DNAH11: variants seen among roughly 807,000 people sequenced by gnomAD.
DNAH11 encodes axonemal beta dynein heavy chain 11.
In DNAH11, 442 loss-of-function variants were observed where a neutral mutation model predicts 526.0. The ratio of observed to expected loss-of-function variants is 0.84; its 90% CI spans 0.78 to 0.91. The LOEUF (loss-of-function observed/expected upper bound fraction) is 0.91. DNAH11 is among the 40% of genes least tolerant of loss of function. The pLI is 0.00. For missense variants in DNAH11, 6,989 were observed against 5,448.7 expected, an observed-to-expected ratio of 1.28 and a Z score of -8.90; for synonymous variants, 2,461 against 1,935.9, an observed-to-expected ratio of 1.27 and a Z score of -7.12.
At chr7:21,732,769 G>C (rs953935183) in intron 45 of DNAH11, among the ~76,000 whole-genome samples, 2 of 152,216 alleles carry the variant, frequency 1.3e-5, no homozygotes, top group African/African-American at 2.4e-5. Context: ...TTCAATTTAA[G>C]ACAGCCATCC....
intron 28 of DNAH11, among the ~76,000 whole-genome samples, chr7:21,650,951 T>C (rs62447806): frequency 1.9e-5 from 2 of 107,308 alleles, no homozygotes; most frequent in East Asian, 5.2e-4. Context: ...AAAACTGTTA[T>C]TTTAAAAAAA....
rs1368570838 is a variant in DNAH11, at chr7:21,655,970, T to C, written c.5083T>C (p.Cys1695Arg). The change falls in exon 29 of 82, where the codon TGT becomes CGT. Residue 1695 changes from cysteine to arginine, a missense_variant. Coordinates refer to ENST00000409508, the MANE Select transcript of DNAH11 (RefSeq NM_001277115.2). ...EYVPFQAECE[C>R]VGHVETWLLQ... is the part of the protein sequence containing the mutation. ...TGTCCCATTCCAAGCCGAGTGTGAA[T>C]GTGTGGGCCATGTAAGATTTGATTA... The C allele has an allele frequency of 1.9e-6, 3 of 1,599,264 alleles. No homozygotes were observed. Among genetic ancestry groups the C allele is most frequent in the Middle Eastern group, 1.7e-4 (1 of 6,020 alleles).
chr7:21,543,902 A>G, intron 1 of DNAH11: 1 of 394,164 alleles, frequency 2.5e-6, no homozygotes, highest in Non-Finnish European at 4.5e-6. Flanking sequence ...GTTAGGCGCC[A>G]GGTGGGCTTT....
intron 65 of DNAH11, among the ~76,000 whole-genome samples, chr7:21,832,086 T>C (rs979597130): frequency 3.4e-5 from 5 of 146,098 alleles, no homozygotes; most frequent in African/African-American, 1.4e-4. Flanking sequence ...TGAGACTCCA[T>C]CTCAAAAAAA....
chr7:21,723,311 A>C (rs1784954915), intron 44 of DNAH11, among the ~76,000 whole-genome samples: 1 of 152,230 alleles, frequency 6.6e-6, no homozygotes, highest in Admixed American at 6.5e-5. Context: ...TGAAGCTTAG[A>C]AAGGTATTTT....
Position 21,543,189 on chromosome 7 carries a change from G to C in DNAH11, c.-57G>C. On this transcript the variant is annotated 5_prime_UTR_variant, in exon 1 of 82. Coordinates refer to ENST00000409508, the MANE Select transcript of DNAH11 (RefSeq NM_001277115.2). ...GAGGTGTCCTCGCTCACTTCGGGGGGCCCAGAGTCTCGGGTGAGGAGCCAG... is the reference window on the plus strand; with the variant it reads ...GAGGTGTCCTCGCTCACTTCGGGGGCCCCAGAGTCTCGGGTGAGGAGCCAG... 6.9e-7 allele frequency: 1 copy of C among 1,459,070 alleles called. No homozygotes were observed. The highest frequency in any genetic ancestry group is 2.5e-4 in the Middle Eastern group (1 of 4,006). The allele number at this position is 1,459,070 out of a possible 1,614,324, so 90.4% of individuals were successfully genotyped here.
chr7:21,880,860 T>C lies in DNAH11; in HGVS notation c.12354T>C (p.Ser4118=), dbSNP rs1562600889. 2 of 1,612,726 alleles carry C rather than the reference T, an allele frequency of 1.2e-6. No homozygotes were observed. Among genetic ancestry groups the C allele is most frequent in the Admixed American group, 3.4e-5 (2 of 59,614 alleles). The change falls in exon 75 of 82, where the codon AGT becomes AGC. Residue 4118 remains serine (S), a synonymous_variant. Transcript: ENST00000409508. ...FNPGDLTICA[S]VLYNYLEANS... is the part of the protein sequence containing the mutation. The stretch of plus-strand genomic sequence containing the variant: ...CTGGAGACCTCACCATTTGTGCCAG[T>C]GTCCTCTACAACTACTTAGAGGCAA...
intron 76 of DNAH11, among the ~76,000 whole-genome samples, chr7:21,890,471 C>A (rs1159517377): frequency 6.6e-6 from 1 of 152,126 alleles, no homozygotes; most frequent in Admixed American, 6.6e-5. Context: ...GCTTGAAGTT[C>A]TGTTTTTAAC....
chr7:21,695,382 G>C (rs559927910), intron 35 of DNAH11, among the ~76,000 whole-genome samples: 1 of 152,272 alleles, frequency 6.6e-6, no homozygotes, highest in African/African-American at 2.4e-5. Context: ...CATGGTACTG[G>C]TACCACAACA....
intron 35 of DNAH11, among the ~76,000 whole-genome samples, chr7:21,694,409 C>G (rs1433048804): frequency 6.6e-6 from 1 of 152,108 alleles, no homozygotes; most frequent in Non-Finnish European, 1.5e-5. Flanking sequence ...TCCATGTGTT[C>G]TCATTGCTCA....
At chr7:21,544,965 CAAG>C (rs779030507) in intron 1 of DNAH11, 38 bp from the exon 2 acceptor site, 1 of 1,505,794 alleles carries the variant, frequency 6.6e-7, no homozygotes, top group Non-Finnish European at 8.9e-7. Context: ...TGCTTGTTAA[CAAG>C]AAAACTACTT....
intron 2 of DNAH11, among the ~76,000 whole-genome samples, chr7:21,556,632 G>A (rs1783227325): frequency 6.6e-6 from 1 of 152,170 alleles, no homozygotes; most frequent in Non-Finnish European, 1.5e-5. Flanking sequence ...CAGGTAATCA[G>A]CATAGTATCC....
At chr7:21,591,121 C>T (rs1488603579) in intron 13 of DNAH11, 64 bp from the exon 14 acceptor site, 1 of 1,515,682 alleles carries the variant, frequency 6.6e-7, no homozygotes, top group African/African-American at 1.4e-5. Flanking sequence ...ATTTTTACAC[C>T]TTTAAGACAG....
Position 21,816,646 on chromosome 7 carries a change from G to T in DNAH11, c.10512G>T (p.Lys3504Asn), listed in dbSNP as rs1024768999. The change falls in exon 64 of 82, where the codon AAG (lysine) becomes AAT (asparagine). Residue 3504 changes from lysine to asparagine, a missense_variant. Lys to Asn is a moderately conservative substitution (Grantham distance 94). Transcript: ENST00000409508. ...LVIDPQQQGI[K>N]WIKNKYGMDL... Reference sequence around the variant, plus strand: ...TAGATCCCCAGCAACAGGGAATTAAGTGGATCAAGAATAAGTATGGAATGG... The same window carrying T: ...TAGATCCCCAGCAACAGGGAATTAATTGGATCAAGAATAAGTATGGAATGG... 6.2e-7 allele frequency: 1 copy of T among 1,613,744 alleles called. No homozygotes were observed. Among genetic ancestry groups the T allele is most frequent in the African/African-American group, 1.3e-5 (1 of 75,038 alleles).
chr7:21,614,428 C>G (rs1583530037), intron 20 of DNAH11, among the ~76,000 whole-genome samples: 2 of 152,160 alleles, frequency 1.3e-5, no homozygotes, highest in East Asian at 1.9e-4. Flanking sequence ...AAGTGCTCCT[C>G]TACACCTTGA....
chr7:21,575,231 C>G (rs1414818087), intron 8 of DNAH11, among the ~76,000 whole-genome samples: 1 of 152,146 alleles, frequency 6.6e-6, no homozygotes, highest in Non-Finnish European at 1.5e-5. Context: ...TTGTTGCATC[C>G]TCATTGAAAT....
intron 36 of DNAH11, among the ~76,000 whole-genome samples, chr7:21,698,613 C>T (rs1364500135): frequency 6.6e-6 from 1 of 152,158 alleles, no homozygotes; most frequent in Non-Finnish European, 1.5e-5. Context: ...TAATGGTCTC[C>T]ACCTCCATCC....
intron 63 of DNAH11, among the ~76,000 whole-genome samples, chr7:21,810,923 A>C (rs143811596): frequency 2.0e-5 from 3 of 152,336 alleles, no homozygotes; most frequent in South Asian, 4.1e-4. Flanking sequence ...CAGAAATTCT[A>C]CTTCTCAGTA....
At chr7:21,701,176 G>T (rs1180748408) in intron 36 of DNAH11, among the ~76,000 whole-genome samples, 5 of 151,938 alleles carry the variant, frequency 3.3e-5, no homozygotes, top group Non-Finnish European at 7.4e-5. Flanking sequence ...TACTCCATCA[G>T]TGGCTTTCAA....
Sources: allele counts gnomAD v4.1 joint callset (sites outside exome capture counted in the v4.1 genomes callset), GRCh38; gene constraint gnomAD v4.1.1; transcripts MANE v1.5; gene names NCBI Gene and HGNC (gene_info 2026-07-23, HGNC 2026-07-21).